Variants in NDUFS6 observed in about 807,000 individuals in gnomAD.
The protein encoded by NDUFS6 is NADH dehydrogenase [ubiquinone] iron-sulfur protein 6, mitochondrial.
A neutral mutation model predicts 13.2 loss-of-function variants in NDUFS6; 14 were observed. The ratio of observed to expected loss-of-function variants is 1.06; its 90% CI spans 0.70 to 1.66. The LOEUF (loss-of-function observed/expected upper bound fraction) is 1.66. Among genes scored for constraint, NDUFS6 ranks in the 40% most tolerant of loss-of-function variants. NDUFS6 has a pLI of 0.00. For synonymous variants in NDUFS6, 95 were observed against 72.3 expected, an observed-to-expected ratio of 1.31 and a Z score of -1.60; for missense variants, 206 against 170.8, an observed-to-expected ratio of 1.21 and a Z score of -1.15.
chr5:1,806,954 A>T (rs924566986), intron 2 of NDUFS6, among the ~76,000 whole-genome samples: 1 of 152,160 alleles, frequency 6.6e-6, no homozygotes, highest in Non-Finnish European at 1.5e-5. Context: ...TGGACAGTGG[A>T]ATATTATTCA....
chr5:1,814,584 G>T lies in NDUFS6; in HGVS notation c.309+123G>T. ...CTGCTCCCGAGGCGGCCCTTACGGG[G>T]TTCACACTGCTGGCACATTCACCCT... On this transcript the variant is annotated intron_variant, in intron 3 of 3. Coordinates refer to ENST00000274137, the MANE Select transcript of NDUFS6 (RefSeq NM_004553.6). The surrounding 1 kb of genome is among the most constrained non-coding windows in gnomAD (Gnocchi z 4.9). 1.4e-6 allele frequency: 2 copies of T among 1,438,380 alleles called. No homozygotes were observed. The highest frequency in any genetic ancestry group is 1.9e-6 in the Non-Finnish European group (2 of 1,047,172). 89.1% of individuals were successfully genotyped at this position (1,438,380 alleles called of 1,614,324 possible).
intron 2 of NDUFS6, among the ~76,000 whole-genome samples, chr5:1,813,179 C>T (rs1734247903): frequency 1.3e-5 from 2 of 152,178 alleles, no homozygotes; most frequent in Admixed American, 1.3e-4. Context: ...TTTCCTTCCC[C>T]ACACTGAAAA....
At chr5:1,803,870 G>T (rs147391786) in intron 2 of NDUFS6, among the ~76,000 whole-genome samples, 1 of 152,360 alleles carries the variant, frequency 6.6e-6, no homozygotes, top group African/African-American at 2.4e-5. Flanking sequence ...GGTGGAAACC[G>T]ATGGATGTTG....
rs1030457735 is a variant in NDUFS6 at position 1,815,302 on chromosome 5, G to A, written c.310-549G>A. On this transcript the variant is annotated intron_variant, in intron 3 of 3. Coordinates refer to ENST00000274137, the MANE Select transcript of NDUFS6 (RefSeq NM_004553.6). ...CAGGGAGAGGGGGAGGCCACCGACA[G>A]TGGAGCACTCAGGGACTCAGGCGGC... Among the ~76,000 whole-genome samples, 9 of 152,076 alleles carry A rather than the reference G, an allele frequency of 5.9e-5. No individual in the cohort carries two copies. In the East Asian group the frequency reaches 1.2e-3, roughly 20 times the overall value.
At chr5:1,813,499 G>C (rs1255754125) in intron 2 of NDUFS6, among the ~76,000 whole-genome samples, 1 of 152,106 alleles carries the variant, frequency 6.6e-6, no homozygotes, top group East Asian at 1.9e-4. Flanking sequence ...CGGACCCCTG[G>C]TATTCCCCAC....
At chr5:1,807,227 G>A (rs1387481167) in intron 2 of NDUFS6, among the ~76,000 whole-genome samples, 1 of 91,218 alleles carries the variant, frequency 1.1e-5, no homozygotes, top group Non-Finnish European at 2.2e-5. Flanking sequence ...TCTGATACGG[G>A]GGACCAGAAC....
At chr5:1,815,382 C>T (rs866574744) in intron 3 of NDUFS6, among the ~76,000 whole-genome samples, 12 of 152,206 alleles carry the variant, frequency 7.9e-5, no homozygotes, top group South Asian at 4.1e-4. Context: ...ACTTTAACTT[C>T]GTTAGAGCTG....
intron 3 of NDUFS6, among the ~76,000 whole-genome samples, chr5:1,815,210 G>A (rs914401695): frequency 6.6e-6 from 1 of 152,124 alleles, no homozygotes; most frequent in African/African-American, 2.4e-5. Flanking sequence ...TGTGGAACTG[G>A]GGTGCAGGGT....
At chr5:1,815,383 G>A (rs967202011) in intron 3 of NDUFS6, among the ~76,000 whole-genome samples, 8 of 152,336 alleles carry the variant, frequency 5.3e-5, no homozygotes, top group Non-Finnish European at 8.8e-5. Flanking sequence ...CTTTAACTTC[G>A]TTAGAGCTGA....
At chr5:1,815,119 G>T (rs1410326207) in intron 3 of NDUFS6, among the ~76,000 whole-genome samples, 1 of 152,174 alleles carries the variant, frequency 6.6e-6, no homozygotes, top group Non-Finnish European at 1.5e-5. Flanking sequence ...TTTTATGCCT[G>T]TTGATGAGTG....
chr5:1,809,086 T>C (rs1159172936), intron 2 of NDUFS6, among the ~76,000 whole-genome samples: 1 of 152,214 alleles, frequency 6.6e-6, no homozygotes, highest in South Asian at 2.1e-4. Context: ...AATAGGACTT[T>C]GACTCCTAAA....
chr5:1,807,151 T>TGCGTGAGGTACTCAGAGGTACC (rs1561104742), intron 2 of NDUFS6, among the ~76,000 whole-genome samples: 1 of 149,630 alleles, frequency 6.7e-6, no homozygotes, highest in African/African-American at 2.6e-5. Flanking sequence ...TCAGAGGTAC[T>TGCGTGAGGTACTCAGAGGTACC]GCGTGAGGTA....
At position 1,814,917 on chromosome 5, in the gene NDUFS6, G is replaced by T. The variant is rs1489873520; in HGVS notation, c.309+456G>T. Among the ~76,000 whole-genome samples the T allele has an allele frequency of 6.6e-6, 1 of 152,138 alleles. No individual in the cohort carries two copies. The highest frequency in any genetic ancestry group is 2.4e-5 in the African/African-American group (1 of 41,418). On this transcript the variant is annotated intron_variant, in intron 3 of 3. Transcript: ENST00000274137. This position sits in a 1 kb window ranked among gnomAD's most constrained non-coding sequence, Gnocchi z 4.9. Reference sequence around the variant, plus strand: ...GAGGTCTCCTCCCTGTGTCTTCACAGGGCCGTCCCTCTGTGGGAGACTCCT... The same window carrying T: ...GAGGTCTCCTCCCTGTGTCTTCACATGGCCGTCCCTCTGTGGGAGACTCCT...
In NDUFS6 at chr5:1,814,380, CG is replaced by C; in HGVS notation, c.229del (p.Val77Ter). ...FAIDLIAEQP[V>X]SEVETRVIAC... ...CCATTGATTTGATAGCAGAGCAGCC[CG>C]TGAGCGAGGTGGAGACTCGGGTGAT... On this transcript the variant is annotated frameshift_variant, in exon 3 of 4. Transcript: ENST00000274137. LOFTEE classifies it high-confidence loss of function. This position sits in a 1 kb window ranked among gnomAD's most constrained non-coding sequence, Gnocchi z 4.9. The C allele has an allele frequency of 1.2e-6, 2 of 1,614,164 alleles. No homozygotes were observed. The highest frequency in any genetic ancestry group is 1.7e-6 in the Non-Finnish European group (2 of 1,180,034).
intron 2 of NDUFS6, among the ~76,000 whole-genome samples, chr5:1,813,606 C>CT (rs1281503664): frequency 6.6e-6 from 1 of 152,130 alleles, no homozygotes; most frequent in East Asian, 1.9e-4. Context: ...TATGGAGACA[C>CT]TTTTTTCATT....
intron 2 of NDUFS6, among the ~76,000 whole-genome samples, chr5:1,812,977 A>G (rs1411430713): frequency 2.0e-5 from 3 of 152,098 alleles, no homozygotes. Flanking sequence ...GGTTGAACCT[A>G]GGAGGCGGAG....
rs751471894 is a variant in NDUFS6, at chr5:1,814,386, C to T, written c.234C>T (p.Ser78=). 5.0e-6 allele frequency: 8 copies of T among 1,614,046 alleles called. No individual in the cohort carries two copies. Among genetic ancestry groups the T allele is most frequent in the Admixed American group, 1.7e-5 (1 of 59,996 alleles). ...AIDLIAEQPV[S]EVETRVIACD... is the part of the protein sequence containing the mutation. ...ATTTGATAGCAGAGCAGCCCGTGAG[C>T]GAGGTGGAGACTCGGGTGATAGCGT... is the stretch of plus-strand genomic sequence containing the variant. The change falls in exon 3 of 4, where the codon AGC becomes AGT. Residue 78 remains serine (S), a synonymous_variant. Coordinates refer to ENST00000274137, the MANE Select transcript of NDUFS6 (RefSeq NM_004553.6). The surrounding 1 kb of genome is among the most constrained non-coding windows in gnomAD (Gnocchi z 4.9).
At chr5:1,811,219 T>C (rs1734214339) in intron 2 of NDUFS6, among the ~76,000 whole-genome samples, 1 of 152,246 alleles carries the variant, frequency 6.6e-6, no homozygotes, top group Non-Finnish European at 1.5e-5. Context: ...AGCATCAGGC[T>C]ATGAGTAAAT....
intron 2 of NDUFS6, among the ~76,000 whole-genome samples, chr5:1,807,017 C>T (rs778811634): frequency 3.3e-5 from 5 of 151,962 alleles, no homozygotes; most frequent in African/African-American, 4.8e-5. Flanking sequence ...GCCTGGAGGA[C>T]GTTGCGCTCA....
Sources: gnomAD v4.1 joint callset for allele counts (sites outside exome capture counted in the v4.1 genomes callset) on GRCh38, gnomAD v4.1.1 for gene constraint, Gnocchi (gnomAD v3.1) non-coding constraint, MANE v1.5 for transcripts, NCBI Gene and HGNC (gene_info 2026-07-23, HGNC 2026-07-21) for gene names.